The following JAKMIP1 variants were observed in gnomAD, a reference collection of about 807,000 sequenced individuals.
JAKMIP1 encodes janus kinase and microtubule interacting protein 1.
Under a neutral mutation model 113.0 loss-of-function variants are expected in JAKMIP1, and 33 were observed. That is an observed-to-expected ratio of 0.29 (90% CI 0.22 to 0.39). JAKMIP1 has a LOEUF of 0.39. JAKMIP1 is among the 10% of genes least tolerant of loss of function. JAKMIP1 has a pLI of 1.00. For synonymous variants in JAKMIP1, 480 were observed against 459.9 expected (o/e 1.04, Z -0.56); for missense variants, 813 against 1,080.5 (o/e 0.75, Z 3.47).
At chr4:6,132,872 C>T (rs1204234363) in intron 1 of JAKMIP1, among the ~76,000 whole-genome samples, 1 of 152,044 alleles carries the variant, frequency 6.6e-6, no homozygotes, top group Non-Finnish European at 1.5e-5. Context: ...TACAAGAAAG[C>T]ACTGCATTTC....
intron 5 of JAKMIP1, among the ~76,000 whole-genome samples, chr4:6,082,378 C>A (rs1317842440): frequency 6.6e-6 from 1 of 151,624 alleles, no homozygotes; most frequent in Non-Finnish European, 1.5e-5. Context: ...TACCGCCCCC[C>A]CAAAAAAATG....
At chr4:6,182,687 T>A (rs1162890113) in intron 1 of JAKMIP1, among the ~76,000 whole-genome samples, 1 of 152,092 alleles carries the variant, frequency 6.6e-6, no homozygotes, top group East Asian at 1.9e-4. Context: ...TCTGAGACAG[T>A]AGGTAACAGC....
rs1454717979 is a variant in JAKMIP1 at position 6,129,076 on chromosome 4, CT to C, written c.-147-16080del. ...TTGCCCAGAGCAGGTGACAGTACCC[CT>C]GGGAGCCCTCTTTGGATGCCTGCTG... On this transcript the variant is annotated intron_variant, in intron 1 of 20. Coordinates refer to ENST00000409021, the MANE Select transcript of JAKMIP1 (RefSeq NM_001099433.2). This position sits in a 1 kb window ranked among gnomAD's most constrained non-coding sequence, Gnocchi z 5.4. 1.3e-5 allele frequency among the ~76,000 whole-genome samples: 2 copies of C among 152,218 alleles called. No homozygotes were observed. The highest frequency in any genetic ancestry group is 2.4e-5 in the African/African-American group (1 of 41,466).
At chr4:6,084,583 C>T (rs991737273) in intron 5 of JAKMIP1, among the ~76,000 whole-genome samples, 7 of 152,074 alleles carry the variant, frequency 4.6e-5, no homozygotes, top group Non-Finnish European at 8.8e-5. Flanking sequence ...TTAACATAAA[C>T]AACACTGCAA....
chr4:6,168,744 A>G lies in JAKMIP1; in HGVS notation c.-148+31509T>C, dbSNP rs1054852267. On this transcript the variant is annotated intron_variant, in intron 1 of 20. Transcript: ENST00000409021. The surrounding 1 kb of genome is among the most constrained non-coding windows in gnomAD (Gnocchi z 4.6). ...TGTCTCTACAAAAAAAAAACAAAACACAAAAATTAGCCAGGCCTGGTGGCA... is the reference window on the plus strand; with the variant it reads ...TGTCTCTACAAAAAAAAAACAAAACGCAAAAATTAGCCAGGCCTGGTGGCA... Among the ~76,000 whole-genome samples, 2 of 151,716 alleles carry G rather than the reference A, an allele frequency of 1.3e-5. No homozygotes were observed. The highest frequency in any genetic ancestry group is 4.8e-5 in the African/African-American group (2 of 41,284).
intron 10 of JAKMIP1, 24 bp from the exon 11 acceptor site, chr4:6,060,531 T>C: frequency 2.5e-6 from 4 of 1,587,732 alleles, no homozygotes; most frequent in Non-Finnish European, 3.5e-6. Context: ...GACCAGGCAG[T>C]GAGCAGGTCA....
Position 6,088,373 on chromosome 4 carries a change from T to C in JAKMIP1, c.625-2744A>G, listed in dbSNP as rs1017676174. ...TCCATCACGGGTAAGGGAGGGTTCT[T>C]GTCTGCCCCTCAGTATCAGCTTTGC... On this transcript the variant is annotated intron_variant, in intron 3 of 20. Transcript: ENST00000409021. This position sits in a 1 kb window ranked among gnomAD's most constrained non-coding sequence, Gnocchi z 5.5. Among the ~76,000 whole-genome samples the C allele has an allele frequency of 6.6e-6, 1 of 152,214 alleles. No homozygotes were observed. The highest frequency in any genetic ancestry group is 2.4e-5 in the African/African-American group (1 of 41,470).
Position 6,117,968 on chromosome 4 carries a change from T to C in JAKMIP1, c.-147-4971A>G, listed in dbSNP as rs577243457. On this transcript the variant is annotated intron_variant, in intron 1 of 20. Transcript: ENST00000409021. Reference sequence around the variant, plus strand: ...ACATTTCATATTGCTCAAACACACATGCTGTACAATTTGTGTAGTTAACGC... The same window carrying C: ...ACATTTCATATTGCTCAAACACACACGCTGTACAATTTGTGTAGTTAACGC... Among the ~76,000 whole-genome samples, 118 of 152,296 alleles carry C rather than the reference T, an allele frequency of 7.7e-4. 1 individual carries two copies. Among genetic ancestry groups the C allele is most frequent in the African/African-American group, 2.5e-3 (105 of 41,550 alleles).
intron 3 of JAKMIP1, 21 bp downstream of exon 3, chr4:6,105,452 G>T: frequency 6.4e-7 from 1 of 1,564,668 alleles, no homozygotes; most frequent in Non-Finnish European, 8.6e-7. Context: ...GCCCGCGGGC[G>T]GGGGAGGGGG....
chr4:6,098,656 AAG>A (rs879589591), intron 3 of JAKMIP1, among the ~76,000 whole-genome samples: 5,298 of 132,220 alleles, frequency 0.04, 207 homozygotes, highest in African/African-American at 0.096. Flanking sequence ...AAGGAAAGGA[AAG>A]GAAGAAAGAG....
chr4:6,065,929 G>T lies in JAKMIP1; in HGVS notation c.1303-921C>A, dbSNP rs1250248634. Among the ~76,000 whole-genome samples the T allele has an allele frequency of 6.6e-6, 1 of 152,128 alleles. No homozygotes were observed. The highest frequency in any genetic ancestry group is 1.9e-4 in the East Asian group (1 of 5,188). On this transcript the variant is annotated intron_variant, in intron 8 of 20. Transcript: ENST00000409021. The surrounding 1 kb of genome is among the most constrained non-coding windows in gnomAD (Gnocchi z 5.1). Reference sequence around the variant, plus strand: ...GCCCCAAGGAGCTTGCATCCCCTAGGGGCTACAGACCTCAACCCACAATCA... The same window carrying T: ...GCCCCAAGGAGCTTGCATCCCCTAGTGGCTACAGACCTCAACCCACAATCA...
intron 1 of JAKMIP1, among the ~76,000 whole-genome samples, chr4:6,164,172 T>C (rs900273881): frequency 2.0e-5 from 3 of 152,222 alleles, no homozygotes; most frequent in Non-Finnish European, 4.4e-5. Context: ...AGTCGATGCC[T>C]AGCTTCAAAG....
chr4:6,092,953 A>G (rs984880704), intron 3 of JAKMIP1, among the ~76,000 whole-genome samples: 2 of 152,244 alleles, frequency 1.3e-5, no homozygotes, highest in Non-Finnish European at 2.9e-5. Flanking sequence ...TAAAGTCTCC[A>G]GTACTTGACA....
chr4:6,068,812 C>G (rs769593253), intron 8 of JAKMIP1, among the ~76,000 whole-genome samples: 1 of 152,116 alleles, frequency 6.6e-6, no homozygotes, highest in Non-Finnish European at 1.5e-5. Context: ...TCAAGTGATC[C>G]GTCTACCTCG....
At position 6,196,717 on chromosome 4, in the gene JAKMIP1, CAGG is replaced by C. The variant is rs1560362650; in HGVS notation, c.-148+3533_-148+3535del. On this transcript the variant is annotated intron_variant, in intron 1 of 20. Transcript: ENST00000409021. ...CTACTAAAAATACAAAAAAATTAGC[CAGG>C]CATGGTGGCAGGTGCCTGTAATCCC... 2.0e-5 allele frequency among the ~76,000 whole-genome samples: 3 copies of C among 152,120 alleles called. No individual in the cohort carries two copies. In the South Asian group the frequency reaches 6.2e-4, roughly 32 times the overall value.
At chr4:6,095,712 G>T (rs1378038816) in intron 3 of JAKMIP1, among the ~76,000 whole-genome samples, 1 of 152,116 alleles carries the variant, frequency 6.6e-6, no homozygotes, top group Admixed American at 6.5e-5. Flanking sequence ...CATTTCCTTC[G>T]GTAGACTCCT....
At chr4:6,172,806 G>GC (rs1255210507) in intron 1 of JAKMIP1, among the ~76,000 whole-genome samples, 1 of 151,926 alleles carries the variant, frequency 6.6e-6, no homozygotes, top group Non-Finnish European at 1.5e-5. Flanking sequence ...GCCCCACCCT[G>GC]CCCCCGTGAT....
At chr4:6,160,024 G>A (rs1458899418) in intron 1 of JAKMIP1, among the ~76,000 whole-genome samples, 1 of 152,138 alleles carries the variant, frequency 6.6e-6, no homozygotes, top group Non-Finnish European at 1.5e-5. Flanking sequence ...AAGCAAGAAG[G>A]TGATTTCCTT....
chr4:6,088,610 C>T lies in JAKMIP1; in HGVS notation c.625-2981G>A, dbSNP rs16838259. ...AGCAGAGATGGCATCTAGAAACGGACGGAGGGCCAATGCAGAACACATTCC... is the reference window on the plus strand; with the variant it reads ...AGCAGAGATGGCATCTAGAAACGGATGGAGGGCCAATGCAGAACACATTCC... On this transcript the variant is annotated intron_variant, in intron 3 of 20. Transcript: ENST00000409021. The surrounding 1 kb of genome is among the most constrained non-coding windows in gnomAD (Gnocchi z 5.5). Among the ~76,000 whole-genome samples, 5,601 of 152,200 alleles carry T rather than the reference C, an allele frequency of 0.037. 156 individuals are homozygous for T. Among genetic ancestry groups the T allele is most frequent in the African/African-American group, 0.072 (3,005 of 41,528 alleles).
Sources: allele counts gnomAD v4.1 joint callset (sites outside exome capture counted in the v4.1 genomes callset), GRCh38; gene constraint gnomAD v4.1.1; non-coding constraint Gnocchi (gnomAD v3.1); transcripts MANE v1.5; gene names NCBI Gene and HGNC (gene_info 2026-07-23, HGNC 2026-07-21).